Variants in XPO4 observed in about 807,000 individuals in gnomAD.
The protein encoded by XPO4 is exportin 4, also known as exportin-4.
In XPO4, 39 loss-of-function variants were observed where a neutral mutation model predicts 143.0. That is an observed-to-expected ratio of 0.27 (90% CI 0.21 to 0.36). The LOEUF is 0.36. XPO4 is among the 10% of genes least tolerant of loss of function. The pLI, the probability that XPO4 is intolerant of heterozygous loss-of-function variation, is 1.00. For missense variants in XPO4, 907 were observed against 1,348.0 expected, an observed-to-expected ratio of 0.67 and a Z score of 5.12; for synonymous variants, 439 against 474.0, an observed-to-expected ratio of 0.93 and a Z score of 0.96.
chr13:20,847,743 C>T (rs561004535), intron 4 of XPO4, among the ~76,000 whole-genome samples: 1 of 151,992 alleles, frequency 6.6e-6, no homozygotes, highest in Non-Finnish European at 1.5e-5. Flanking sequence ...TCAGTGAATT[C>T]GGATCAAAGT....
At chr13:20,866,439 A>G in intron 2 of XPO4, 1 of 937,070 alleles carries the variant, frequency 1.1e-6, no homozygotes, top group Non-Finnish European at 1.3e-6. Context: ...CAGACCTTCT[A>G]TAAAAATGAC....
chr13:20,858,033 A>C (rs150303934), intron 3 of XPO4: 2 of 953,402 alleles, frequency 2.1e-6, no homozygotes, highest in Admixed American at 1.2e-4. Flanking sequence ...ACTTGAATCT[A>C]ATCCACACTG....
intron 3 of XPO4, chr13:20,856,367 A>G (rs1595135712): frequency 1.0e-6 from 1 of 985,406 alleles, no homozygotes; most frequent in Non-Finnish European, 1.2e-6. Flanking sequence ...CTGTTCCTCC[A>G]TGTGATGACA....
Position 20,780,126 on chromosome 13 carries a change from G to A in XPO4, c.*3596C>T, listed in dbSNP as rs2059124551. 1 of 152,082 alleles carries A rather than the reference G, an allele frequency of 6.6e-6. No homozygotes were observed. 9.4% of individuals were successfully genotyped at this position (152,082 alleles called of 1,614,324 possible). On this transcript the variant is annotated 3_prime_UTR_variant, in exon 23 of 23. Coordinates refer to ENST00000255305, the MANE Select transcript of XPO4 (RefSeq NM_022459.5). ...ATCAGTTCCTTATTCTCTGGTTTTA[G>A]AAAACACAAACAAACCTTAAGAAGT... is the stretch of plus-strand genomic sequence containing the variant.
intron 15 of XPO4, 136 bp downstream of exon 15, chr13:20,800,020 A>T: frequency 1.1e-6 from 1 of 943,420 alleles, no homozygotes; most frequent in Non-Finnish European, 1.5e-6. Context: ...AAAACCCATT[A>T]CTCCAAAAAT....
chr13:20,802,222 C>T (rs541632528), intron 13 of XPO4, among the ~76,000 whole-genome samples: 30 of 151,966 alleles, frequency 2.0e-4, no homozygotes, highest in African/African-American at 6.8e-4. Flanking sequence ...TACACCAGGC[C>T]GATTTAAAAA....
Position 20,902,654 on chromosome 13 carries a change from G to A in XPO4, c.69+16C>T, listed in dbSNP as rs1204880049. 1.1e-5 allele frequency: 17 copies of A among 1,561,422 alleles called. No homozygotes were observed. The South Asian group carries it at 1.6e-4, about 15-fold the overall frequency. On this transcript the variant is annotated intron_variant, in intron 1 of 22. Transcript: ENST00000255305. ...GGCCCGCGAATCCCGGGGTCTGAGG[G>A]GCGCGGCGTCCTCACCATCAGAACT...
chr13:20,792,883 G>C (rs1055120341), intron 18 of XPO4, among the ~76,000 whole-genome samples: 1 of 151,972 alleles, frequency 6.6e-6, no homozygotes, highest in African/African-American at 2.4e-5. Context: ...CTCTTCCCAG[G>C]TTCAAGCGAT....
At chr13:20,800,611 A>T (rs752742802) in intron 14 of XPO4, among the ~76,000 whole-genome samples, 5 of 152,250 alleles carry the variant, frequency 3.3e-5, no homozygotes, top group Non-Finnish European at 7.3e-5. Context: ...CCAAATAATA[A>T]TCTGTATCTT....
intron 1 of XPO4, among the ~76,000 whole-genome samples, chr13:20,891,417 T>C (rs56962371): frequency 0.038 from 5,833 of 152,282 alleles, 384 homozygotes; most frequent in African/African-American, 0.13. Context: ...ATTTGATACA[T>C]TAAAGTACAA....
At chr13:20,866,131 T>C (rs2060242900) in intron 2 of XPO4, 5 of 985,350 alleles carry the variant, frequency 5.1e-6, no homozygotes, top group Non-Finnish European at 6.0e-6. Context: ...AAGGAACATT[T>C]GATCCTAAAA....
chr13:20,809,401 G>A (rs550094113), intron 10 of XPO4, among the ~76,000 whole-genome samples, 176 bp from the exon 11 acceptor site: 4 of 152,084 alleles, frequency 2.6e-5, no homozygotes, highest in East Asian at 3.9e-4. Context: ...GCTGACAGCC[G>A]TGGTAGTTAT....
At chr13:20,854,682 G>A (rs2060124724) in intron 4 of XPO4, among the ~76,000 whole-genome samples, 1 of 152,054 alleles carries the variant, frequency 6.6e-6, no homozygotes, top group South Asian at 2.1e-4. Context: ...GTTAAACAAA[G>A]AATCACAGCT....
At chr13:20,893,685 G>GGCGGAGGTT (rs773574502) in intron 1 of XPO4, among the ~76,000 whole-genome samples, 6 of 151,904 alleles carry the variant, frequency 3.9e-5, no homozygotes, top group African/African-American at 1.5e-4. Flanking sequence ...GAACCTGGGA[G>GGCGGAGGTT]GCGGAGGTTG....
chr13:20,805,006 G>A (rs902286836), intron 13 of XPO4, among the ~76,000 whole-genome samples: 6 of 151,428 alleles, frequency 4.0e-5, no homozygotes, highest in Non-Finnish European at 7.4e-5. Flanking sequence ...GTGCAGTGGT[G>A]CAATCTCAGC....
chr13:20,834,549 G>T (rs1386891082), intron 6 of XPO4, among the ~76,000 whole-genome samples: 1 of 151,674 alleles, frequency 6.6e-6, no homozygotes, highest in African/African-American at 2.4e-5. Flanking sequence ...CTCCAGCCTG[G>T]GCAACAGGGC....
rs2060263811 is a variant in XPO4 at position 20,868,443 on chromosome 13, T to C, written c.175+153A>G. On this transcript the variant is annotated intron_variant, in intron 2 of 22. Coordinates refer to ENST00000255305, the MANE Select transcript of XPO4 (RefSeq NM_022459.5). ...CCCGTCTGGCTTTACAGAATATCTT[T>C]AAAGCTACTCCAGTAGAATGATTAT... 7.5e-6 allele frequency: 9 copies of C among 1,207,002 alleles called. No individual in the cohort carries two copies. In the East Asian group the frequency reaches 2.4e-4, roughly 32 times the overall value. The allele number at this position is 1,207,002 out of a possible 1,614,324, so 74.8% of individuals were successfully genotyped here. A position where few individuals can be genotyped will look rare whatever the true frequency, so the allele number is the denominator to read the frequency against.
At chr13:20,889,219 C>T (rs931652781) in intron 1 of XPO4, among the ~76,000 whole-genome samples, 13 of 152,182 alleles carry the variant, frequency 8.5e-5, no homozygotes, top group African/African-American at 2.9e-4. Flanking sequence ...AGGGATATTT[C>T]AAGTGCCATG....
intron 22 of XPO4, 61 bp from the exon 23 acceptor site, chr13:20,783,980 A>C (rs2059170381): frequency 2.0e-6 from 3 of 1,531,934 alleles, no homozygotes; most frequent in Middle Eastern, 2.0e-4. Context: ...AGTAGATCTT[A>C]TCAGTTACTG....
Sources: gnomAD v4.1 joint callset for allele counts (sites outside exome capture counted in the v4.1 genomes callset) on GRCh38, gnomAD v4.1.1 for gene constraint, MANE v1.5 for transcripts, NCBI Gene and HGNC (gene_info 2026-07-23, HGNC 2026-07-21) for gene names.